Variants in JAZF1 observed in about 807,000 individuals in gnomAD.
The protein encoded by JAZF1 is JAZF zinc finger 1.
A neutral mutation model predicts 26.4 loss-of-function variants in JAZF1; 8 were observed. The observed-to-expected ratio is 0.30, with a 90% CI of 0.18 to 0.55. The LOEUF (loss-of-function observed/expected upper bound fraction) is 0.55. Among genes scored for constraint, JAZF1 ranks in the 20% least tolerant of loss-of-function variants. The pLI, the probability that JAZF1 is intolerant of heterozygous loss-of-function variation, is 0.94. For missense variants in JAZF1, 199 were observed against 322.0 expected, an observed-to-expected ratio of 0.62 and a Z score of 2.92; for synonymous variants, 126 against 122.3, an observed-to-expected ratio of 1.03 and a Z score of -0.20.
chr7:27,841,047 G>T (rs941741524), intron 3 of JAZF1, 180 bp from the exon 4 acceptor site: 2 of 596,822 alleles, frequency 3.4e-6, no homozygotes, highest in African/African-American at 3.7e-5. Flanking sequence ...CTGGAAGCAG[G>T]AGCCCTGCGT....
At chr7:27,837,433 G>A (rs990892995) in intron 4 of JAZF1, among the ~76,000 whole-genome samples, 2 of 152,220 alleles carry the variant, frequency 1.3e-5, no homozygotes, top group Admixed American at 6.5e-5. Flanking sequence ...ACATTTCCCC[G>A]TTCCCATGGG....
At chr7:28,020,389 T>C (rs988784696) in intron 1 of JAZF1, among the ~76,000 whole-genome samples, 5 of 151,962 alleles carry the variant, frequency 3.3e-5, no homozygotes, top group Admixed American at 3.3e-4. Flanking sequence ...GGAAAATGAA[T>C]CGGAAATGCA....
At chr7:28,144,590 A>G (rs940221856) in intron 1 of JAZF1, among the ~76,000 whole-genome samples, 9 of 152,262 alleles carry the variant, frequency 5.9e-5, no homozygotes, top group Non-Finnish European at 1.0e-4. Flanking sequence ...GGCTCTTTAC[A>G]GAGCAGCTGG....
At chr7:28,091,962 C>T (rs545872818) in intron 1 of JAZF1, among the ~76,000 whole-genome samples, 23 of 152,156 alleles carry the variant, frequency 1.5e-4, no homozygotes, top group Non-Finnish European at 2.8e-4. Flanking sequence ...GTTACCGTAG[C>T]AGAAAATTTG....
intron 3 of JAZF1, among the ~76,000 whole-genome samples, chr7:27,881,682 C>T (rs1329034641): frequency 2.0e-5 from 3 of 152,110 alleles, no homozygotes; most frequent in East Asian, 1.9e-4. Context: ...CATCAGTCCC[C>T]GTAACTGTTA....
intron 1 of JAZF1, among the ~76,000 whole-genome samples, chr7:28,071,023 C>T (rs746905829): frequency 6.6e-6 from 1 of 152,212 alleles, no homozygotes; most frequent in Non-Finnish European, 1.5e-5. Context: ...CAGCAGGCAT[C>T]TTACCTAGAA....
intron 2 of JAZF1, among the ~76,000 whole-genome samples, chr7:27,899,227 G>A (rs1226796841): frequency 6.6e-6 from 1 of 152,228 alleles, no homozygotes; most frequent in African/African-American, 2.4e-5. Flanking sequence ...AGTGTCTAGA[G>A]AAGCCAAGGA....
intron 1 of JAZF1, among the ~76,000 whole-genome samples, chr7:28,110,220 G>A (rs1434563401): frequency 6.6e-6 from 1 of 152,056 alleles, no homozygotes; most frequent in Non-Finnish European, 1.5e-5. Context: ...GAGGTCAGGA[G>A]TTCGAGACCA....
intron 2 of JAZF1, among the ~76,000 whole-genome samples, chr7:27,916,292 AT>A (rs1353622515): frequency 2.0e-5 from 3 of 152,078 alleles, no homozygotes; most frequent in African/African-American, 7.2e-5. Flanking sequence ...GATCAGTGGA[AT>A]TTTTTTTCTC....
intron 1 of JAZF1, among the ~76,000 whole-genome samples, chr7:28,113,824 G>C (rs1040506840): frequency 6.6e-6 from 1 of 152,176 alleles, no homozygotes; most frequent in African/African-American, 2.4e-5. Flanking sequence ...TCCTCATTCA[G>C]CTGATTATGA....
At chr7:27,916,331 T>C (rs1335623990) in intron 2 of JAZF1, among the ~76,000 whole-genome samples, 1 of 152,166 alleles carries the variant, frequency 6.6e-6, no homozygotes, top group African/African-American at 2.4e-5. Context: ...TATACTAATA[T>C]GAATACTTGT....
At chr7:28,050,146 T>C (rs750293994) in intron 1 of JAZF1, among the ~76,000 whole-genome samples, 2 of 152,116 alleles carry the variant, frequency 1.3e-5, no homozygotes, top group African/African-American at 4.8e-5. Flanking sequence ...TGTCAGGAAC[T>C]GGGGTCAAAG....
chr7:28,053,972 C>A (rs1783657304), intron 1 of JAZF1, among the ~76,000 whole-genome samples: 1 of 152,294 alleles, frequency 6.6e-6, no homozygotes, highest in East Asian at 1.9e-4. Context: ...TCTTTATGCT[C>A]CTTCCAGGAT....
chr7:28,174,086 C>T (rs902670492), intron 1 of JAZF1, among the ~76,000 whole-genome samples: 17 of 152,016 alleles, frequency 1.1e-4, no homozygotes, highest in Non-Finnish European at 1.5e-4. Context: ...CAACTTAATA[C>T]GTTAGCCAGG....
At chr7:28,061,250 T>C (rs1783792668) in intron 1 of JAZF1, among the ~76,000 whole-genome samples, 2 of 152,232 alleles carry the variant, frequency 1.3e-5, no homozygotes. Flanking sequence ...TGTGGTACCA[T>C]GATGAGACCT....
intron 1 of JAZF1, among the ~76,000 whole-genome samples, chr7:28,125,259 T>C (rs1054982109): frequency 6.6e-6 from 1 of 151,826 alleles, no homozygotes; most frequent in Non-Finnish European, 1.5e-5. Flanking sequence ...AATTCAGTTT[T>C]CCCCCCTAAA....
At chr7:27,881,594 T>G (rs1244150104) in intron 3 of JAZF1, among the ~76,000 whole-genome samples, 3 of 152,066 alleles carry the variant, frequency 2.0e-5, no homozygotes, top group Non-Finnish European at 4.4e-5. Context: ...AAGTAACCAT[T>G]TAAAAGGGTG....
chr7:28,118,614 C>A (rs1784786136), intron 1 of JAZF1, among the ~76,000 whole-genome samples: 1 of 152,154 alleles, frequency 6.6e-6, no homozygotes, highest in Non-Finnish European at 1.5e-5. Context: ...CTACAGTATT[C>A]TATGGCAAAT....
chr7:28,023,303 T>C (rs1783037973), intron 1 of JAZF1, among the ~76,000 whole-genome samples: 1 of 152,190 alleles, frequency 6.6e-6, no homozygotes, highest in African/African-American at 2.4e-5. Context: ...TGAAGTAATT[T>C]CCCTTGCTAA....
Sources: allele counts gnomAD v4.1 joint callset (sites outside exome capture counted in the v4.1 genomes callset), GRCh38; gene constraint gnomAD v4.1.1; transcripts MANE v1.5; gene names NCBI Gene and HGNC (gene_info 2026-07-23, HGNC 2026-07-21).